Variants in DMD observed in about 807,000 individuals in gnomAD.
DMD encodes the protein mutant dystrophin.
A neutral mutation model predicts 330.1 loss-of-function variants in DMD; 63 were observed. The observed-to-expected ratio is 0.19, with a 90% confidence interval of 0.16 to 0.24. DMD has a LOEUF of 0.24. Ranked by LOEUF, DMD falls within the 10% of genes least tolerant of loss-of-function variation. The pLI, the probability that DMD is intolerant of heterozygous loss-of-function variation, is 1.00. For synonymous variants in DMD, 1,223 were observed against 959.8 expected, an observed-to-expected ratio of 1.27 and a Z score of -5.07; for missense variants, 3,344 against 2,684.1, an observed-to-expected ratio of 1.25 and a Z score of -5.43.
At chrX:31,242,698 A>ATG (rs1491232873) in intron 63 of DMD, among the ~76,000 whole-genome samples, 5 of 66,989 alleles carry the variant, frequency 7.5e-5, no homozygotes, top group Non-Finnish European at 1.1e-4. Context: ...CAACAATAAG[A>ATG]TATGTGTGTG....
chrX:32,708,285 G>GTTTTTTT (rs11382915), intron 7 of DMD, among the ~76,000 whole-genome samples: 2 of 100,315 alleles, frequency 2.0e-5, no homozygotes, highest in African/African-American at 7.3e-5. Context: ...AAATGATCAG[G>GTTTTTTT]TTTTTTTTTT....
intron 2 of DMD, among the ~76,000 whole-genome samples, chrX:32,859,745 G>A (rs887199483): frequency 9.1e-6 from 1 of 110,391 alleles, no homozygotes; most frequent in Non-Finnish European, 1.9e-5. Context: ...TTCTTTTGTT[G>A]TTCTCCCCTT....
chrX:32,722,936 G>A (rs1484299933), intron 7 of DMD, among the ~76,000 whole-genome samples: 1 of 110,333 alleles, frequency 9.1e-6, no homozygotes, highest in East Asian at 2.8e-4. Context: ...TTGTCTCACT[G>A]CTCCTGCTAG....
intron 44 of DMD, among the ~76,000 whole-genome samples, chrX:32,106,728 C>A (rs752500854): frequency 8.9e-6 from 1 of 111,903 alleles, no homozygotes; most frequent in Admixed American, 9.5e-5. Context: ...CATTTCTCTA[C>A]ATATCTGTAT....
chrX:32,805,023 G>T (rs2076852157), intron 7 of DMD, among the ~76,000 whole-genome samples: 1 of 111,920 alleles, frequency 8.9e-6, no homozygotes, highest in Non-Finnish European at 1.9e-5. Flanking sequence ...AGCACAAAAA[G>T]GGTGAAAATT....
intron 30 of DMD, among the ~76,000 whole-genome samples, chrX:32,400,919 T>C (rs759992740): frequency 2.3e-3 from 251 of 110,066 alleles, no homozygotes; most frequent in African/African-American, 8.0e-3. Flanking sequence ...TAGCAAAGAC[T>C]TGGAACCAAC....
intron 42 of DMD, among the ~76,000 whole-genome samples, chrX:32,305,135 A>G (rs192802420): frequency 2.5e-3 from 277 of 111,706 alleles, no homozygotes; most frequent in Non-Finnish European, 3.3e-3. Context: ...ATTTCTACAT[A>G]TGGTGCCTCT....
chrX:32,296,435 C>T (rs1312456852), intron 42 of DMD, among the ~76,000 whole-genome samples: 7 of 110,668 alleles, frequency 6.3e-5, no homozygotes, highest in African/African-American at 2.3e-4. Flanking sequence ...TCCTCTGTCC[C>T]GTCTCTGTGG....
At chrX:31,417,626 AG>A (rs2061941734) in intron 60 of DMD, among the ~76,000 whole-genome samples, 1 of 111,447 alleles carries the variant, frequency 9.0e-6, no homozygotes, top group Admixed American at 9.6e-5. Flanking sequence ...TATGTGGCAT[AG>A]CTTCTGATAG....
intron 41 of DMD, among the ~76,000 whole-genome samples, chrX:32,321,257 G>T (rs968594224): frequency 7.2e-5 from 8 of 110,943 alleles, no homozygotes; most frequent in Admixed American, 1.9e-4. Context: ...GCAACGTCAA[G>T]ATAATCACAA....
intron 44 of DMD, among the ~76,000 whole-genome samples, chrX:32,044,557 G>A (rs1933530140): frequency 9.1e-6 from 1 of 110,415 alleles, no homozygotes; most frequent in African/African-American, 3.3e-5. Context: ...AAGTAGCTGA[G>A]ACTACAGGTG....
chrX:32,679,002 C>A (rs769573893), intron 9 of DMD, among the ~76,000 whole-genome samples: 1 of 111,500 alleles, frequency 9.0e-6, no homozygotes, highest in South Asian at 3.7e-4. Flanking sequence ...ACTGATAAAC[C>A]TAACACACTA....
At position 31,840,831 on chromosome X, in the gene DMD, C is replaced by G. The variant is rs559517978; in HGVS notation, c.7099-4012G>C. 1.6e-4 allele frequency among the ~76,000 whole-genome samples: 18 copies of G among 110,592 alleles called. 1 individual carries two copies. Among genetic ancestry groups the G allele is most frequent in the African/African-American group, 5.9e-4 (18 of 30,423 alleles). ...CATTAATGTATGTATTCTGAACGCT[C>G]CACTGACCAGTCATCCCCCTACCTC... On this transcript the variant is annotated intron_variant, in intron 48 of 78. Coordinates refer to ENST00000357033, the MANE Select transcript of DMD (RefSeq NM_004006.3).
rs767544277 is a variant in DMD, at chrX:33,182,018, A to C, written c.31+29264T>G. ...CAATTGTTTCTAATGTGTATTCCCCAGATGCAATACTTATCCTCTATTTAC... is the reference window on the plus strand; with the variant it reads ...CAATTGTTTCTAATGTGTATTCCCCCGATGCAATACTTATCCTCTATTTAC... On this transcript the variant is annotated intron_variant, in intron 1 of 78. Transcript: ENST00000357033. 3.6e-5 allele frequency among the ~76,000 whole-genome samples: 4 copies of C among 112,036 alleles called. No homozygotes were observed. In the East Asian group the frequency reaches 8.5e-4, roughly 24 times the overall value.
rs773706422 is a variant in DMD at position 32,380,592 on chromosome X, G to A, written c.4763C>T (p.Ala1588Val). The A allele has an allele frequency of 8.3e-7, 1 of 1,207,528 alleles. No homozygotes were observed. Among genetic ancestry groups the A allele is most frequent in the East Asian group, 3.0e-5 (1 of 33,686 alleles). ...KEMNVLTEWLAATDMELTKRS... is the reference protein window; with the variant it reads ...KEMNVLTEWLVATDMELTKRS... ...CTTTGTCAATTCCATATCTGTAGCT[G>A]CCAGCCATTCTGTCAAGACATTCAT... Residue 1588 changes from alanine to valine, a missense_variant, in exon 34 of 79, where the codon GCA becomes GTA. Coordinates refer to ENST00000357033, the MANE Select transcript of DMD (RefSeq NM_004006.3).
chrX:32,099,047 T>A (rs2096526298), intron 44 of DMD, among the ~76,000 whole-genome samples: 1 of 111,925 alleles, frequency 8.9e-6, no homozygotes, highest in Admixed American at 9.5e-5. Context: ...GCCTACAGTG[T>A]GCCCTATGAA....
chrX:32,230,610 G>T (rs1173807078), intron 43 of DMD, among the ~76,000 whole-genome samples: 1 of 111,839 alleles, frequency 8.9e-6, no homozygotes, highest in African/African-American at 3.2e-5. Flanking sequence ...TTGAAATTAA[G>T]AACAAGTAGT....
intron 60 of DMD, among the ~76,000 whole-genome samples, chrX:31,364,869 G>A (rs925716798): frequency 9.0e-6 from 1 of 110,638 alleles, no homozygotes; most frequent in Non-Finnish European, 1.9e-5. Context: ...AGGCCGAGGC[G>A]GGCAGATCAC....
At chrX:32,293,227 AT>A (rs752246493) in intron 42 of DMD, among the ~76,000 whole-genome samples, 1 of 112,634 alleles carries the variant, frequency 8.9e-6, no homozygotes, top group African/African-American at 3.2e-5. Context: ...GCAATTTCAC[AT>A]AGAGAATTGA....
Sources: gnomAD v4.1 joint callset for allele counts (sites outside exome capture counted in the v4.1 genomes callset) on GRCh38, gnomAD v4.1.1 for gene constraint, MANE v1.5 for transcripts, NCBI Gene and HGNC (gene_info 2026-07-23, HGNC 2026-07-21) for gene names.